The following PCDHGA3 variants were observed in gnomAD, a reference collection of about 807,000 sequenced individuals.
PCDHGA3 encodes the protein protocadherin gamma-A3.
A neutral mutation model predicts 58.5 loss-of-function variants in PCDHGA3; 40 were observed. The observed-to-expected ratio is 0.68, with a 90% confidence interval of 0.53 to 0.89. PCDHGA3 has a LOEUF of 0.89. PCDHGA3 is among the 40% of genes least tolerant of loss of function. The pLI is 0.00. For missense variants in PCDHGA3, 1,223 were observed against 1,195.9 expected (o/e 1.02, Z -0.33); for synonymous variants, 530 against 525.7 (o/e 1.01, Z -0.11).
At chr5:141,428,100 G>C (rs1313410784) in intron 1 of PCDHGA3, 11 of 1,608,462 alleles carry the variant, frequency 6.8e-6, no homozygotes, top group Non-Finnish European at 9.3e-6. Context: ...GTCCTACCAC[G>C]TGCTGCAGGC....
At chr5:141,371,684 A>T (rs756152313) in intron 1 of PCDHGA3, 3 of 1,614,050 alleles carry the variant, frequency 1.9e-6, no homozygotes, top group Non-Finnish European at 1.7e-6. Flanking sequence ...AAGGCAATCC[A>T]CCGCTCTCCT....
chr5:141,410,661 A>G, intron 1 of PCDHGA3: 1 of 1,572,394 alleles, frequency 6.4e-7, no homozygotes, highest in Non-Finnish European at 8.6e-7. Context: ...CTAATAGTCT[A>G]CTAGTTTCTC....
chr5:141,375,144 G>C lies in PCDHGA3; in HGVS notation c.2424+28687G>C, dbSNP rs747224962. On this transcript the variant is annotated intron_variant, in intron 1 of 3. Transcript: ENST00000253812. Reference sequence around the variant, plus strand: ...GAAGTGGTTGTTACATCTGGAAGCAGAACAATTGCTGAAAGTGCACCTCCA... The same window carrying C: ...GAAGTGGTTGTTACATCTGGAAGCACAACAATTGCTGAAAGTGCACCTCCA... 18 of 1,613,936 alleles carry C rather than the reference G, an allele frequency of 1.1e-5. No individual in the cohort carries two copies. The South Asian group carries it at 1.4e-4, about 13-fold the overall frequency.
intron 1 of PCDHGA3, among the ~76,000 whole-genome samples, chr5:141,358,590 C>T (rs1250031293): frequency 1.3e-5 from 2 of 152,218 alleles, no homozygotes; most frequent in Non-Finnish European, 2.9e-5. Flanking sequence ...TCCTCTGGTG[C>T]ACTCCTGTGA....
At chr5:141,352,190 G>C (rs777164799) in intron 1 of PCDHGA3, 4 of 1,613,754 alleles carry the variant, frequency 2.5e-6, no homozygotes, top group Non-Finnish European at 3.4e-6. Context: ...CGCTGTGCGT[G>C]ATGGAGGACA....
intron 1 of PCDHGA3, chr5:141,350,068 T>C: frequency 2.4e-6 from 1 of 420,958 alleles, no homozygotes; most frequent in Admixed American, 4.0e-5. Flanking sequence ...AAGTGAAGGC[T>C]TCTCAATTCT....
chr5:141,433,291 T>A, intron 1 of PCDHGA3: 1 of 1,094,048 alleles, frequency 9.1e-7, no homozygotes, highest in Non-Finnish European at 1.3e-6. Flanking sequence ...ACTCCTAGGC[T>A]CAAGCAATTA....
At chr5:141,395,620 CAAG>C (rs1298520628) in intron 1 of PCDHGA3, 1 of 189,326 alleles carries the variant, frequency 5.3e-6, no homozygotes, top group Non-Finnish European at 1.1e-5. Flanking sequence ...AGAAAATTAT[CAAG>C]AAGTCTAAAG....
intron 1 of PCDHGA3, chr5:141,410,353 C>T: frequency 1.9e-6 from 3 of 1,614,078 alleles, no homozygotes; most frequent in Non-Finnish European, 2.5e-6. Flanking sequence ...GCCTGCGACG[C>T]TCTCTCAGCC....
rs189408749 is a variant in PCDHGA3 at position 141,383,405 on chromosome 5, G to T, written c.2424+36948G>T. On this transcript the variant is annotated intron_variant, in intron 1 of 3. Transcript: ENST00000253812. ...GATGTGGGCACGAACTCCCTCCAGAGTTACCAGCTCAGCCCCAATCGCCAC... is the reference window on the plus strand; with the variant it reads ...GATGTGGGCACGAACTCCCTCCAGATTTACCAGCTCAGCCCCAATCGCCAC... The T allele has an allele frequency of 1.2e-4, 200 of 1,613,898 alleles. No individual in the cohort carries two copies. Among genetic ancestry groups the T allele is most frequent in the South Asian group, 4.4e-5 (4 of 91,084 alleles).
intron 1 of PCDHGA3, chr5:141,440,535 G>A (rs1305958587): frequency 1.3e-5 from 2 of 152,154 alleles, no homozygotes; most frequent in East Asian, 1.9e-4. Flanking sequence ...CATGCACCAC[G>A]GTTCAGCAGG....
intron 1 of PCDHGA3, chr5:141,350,916 T>G (rs761144517): frequency 6.2e-7 from 1 of 1,614,080 alleles, no homozygotes; most frequent in Admixed American, 1.7e-5. Flanking sequence ...GACCCGCCTC[T>G]AAGCGGCACC....
At chr5:141,357,720 C>T (rs1760710135) in intron 1 of PCDHGA3, 1 of 1,425,466 alleles carries the variant, frequency 7.0e-7, no homozygotes, top group Non-Finnish European at 9.4e-7. Context: ...ATAAAGTTGC[C>T]TCTTTTAATA....
At chr5:141,415,859 T>C in intron 1 of PCDHGA3, 1 of 1,187,664 alleles carries the variant, frequency 8.4e-7, no homozygotes, top group Non-Finnish European at 1.1e-6. Context: ...CCTTGTAGTT[T>C]ATAGTGTTGT....
rs70988800 is a variant in PCDHGA3 at position 141,379,889 on chromosome 5, C to CTTTTTTTTTTTTTT, written c.2424+33449_2424+33462dup. ...CTTATTTTATGGTCTGTGAAAGCCT[C>CTTTTTTTTTTTTTT]TTTTTTTTTTTTTTTTTTTTTTTTT... On this transcript the variant is annotated intron_variant, in intron 1 of 3. Coordinates refer to ENST00000253812, the MANE Select transcript of PCDHGA3 (RefSeq NM_018916.4). Among the ~76,000 whole-genome samples, 79 of 50,828 alleles carry CTTTTTTTTTTTTTT rather than the reference C, an allele frequency of 1.6e-3. 14 individuals carry two copies. The highest frequency in any genetic ancestry group is 2.7e-3 in the African/African-American group (40 of 15,084). 33.3% of individuals were successfully genotyped at this position (50,828 alleles called of 152,430 possible).
At chr5:141,388,513 TGA>T in intron 1 of PCDHGA3, 2 of 1,613,840 alleles carry the variant, frequency 1.2e-6, no homozygotes, top group African/African-American at 2.7e-5. Flanking sequence ...TCCTACCACT[TGA>T]CTTTGACTGC....
chr5:141,421,426 A>G, intron 1 of PCDHGA3: 2 of 1,614,104 alleles, frequency 1.2e-6, no homozygotes, highest in South Asian at 1.1e-5. Context: ...CGGAGTCCGC[A>G]TCGTCTCCAG....
intron 1 of PCDHGA3, chr5:141,400,718 A>G (rs2094066078): frequency 3.0e-6 from 2 of 671,700 alleles, no homozygotes; most frequent in Non-Finnish European, 5.0e-6. Flanking sequence ...AGCCTTATAG[A>G]TTTACAAAGT....
Position 141,486,178 on chromosome 5 carries a change from C to A in PCDHGA3, c.2425-8629C>A, listed in dbSNP as rs767840363. On this transcript the variant is annotated intron_variant, in intron 1 of 3. Transcript: ENST00000253812. This position sits in a 1 kb window ranked among gnomAD's most constrained non-coding sequence, Gnocchi z 5.0. ...CTCCAGCCATGGAGCAACATTGCAG[C>A]CTTCGAGTGGATCTGCTGGACGTAA... 1.2e-6 allele frequency: 2 copies of A among 1,614,194 alleles called. No homozygotes were observed. The highest frequency in any genetic ancestry group is 2.2e-5 in the East Asian group (1 of 44,882).
Sources: allele counts gnomAD v4.1 joint callset (sites outside exome capture counted in the v4.1 genomes callset), GRCh38; gene constraint gnomAD v4.1.1; non-coding constraint Gnocchi (gnomAD v3.1); transcripts MANE v1.5; gene names NCBI Gene and HGNC (gene_info 2026-07-23, HGNC 2026-07-21).